The following OTOP1 variants were observed in gnomAD, a reference collection of about 807,000 sequenced individuals.
OTOP1 encodes otopetrin 1.
In OTOP1, 59 loss-of-function variants were observed where a neutral mutation model predicts 52.9. The ratio of observed to expected loss-of-function variants is 1.12; its 90% CI spans 0.91 to 1.39. OTOP1 has a LOEUF of 1.39. Among genes scored for constraint, OTOP1 ranks in the 40% most tolerant of loss-of-function variants. OTOP1 has a pLI of 0.00. For missense variants in OTOP1, 761 were observed against 800.9 expected (o/e 0.95, Z 0.60); for synonymous variants, 317 against 337.7 (o/e 0.94, Z 0.67).
intron 1 of OTOP1, 43 bp downstream of exon 1, chr4:4,226,419 G>T (rs1188714033): frequency 1.3e-5 from 18 of 1,382,100 alleles, no homozygotes; most frequent in South Asian, 1.6e-5. Context: ...TGCAGCCAGC[G>T]GGCGAGGAGG....
At chr4:4,204,528 C>T (rs540077266) in intron 3 of OTOP1, among the ~76,000 whole-genome samples, 48 of 152,216 alleles carry the variant, frequency 3.2e-4, no homozygotes, top group African/African-American at 1.1e-3. Flanking sequence ...TGTTCTGCCA[C>T]GCAAGCTCCC....
chr4:4,207,617 A>G (rs1247835611), intron 2 of OTOP1, among the ~76,000 whole-genome samples: 1 of 151,130 alleles, frequency 6.6e-6, no homozygotes, highest in Non-Finnish European at 1.5e-5. Context: ...ATATATATCC[A>G]AAAGAAGTGA....
intron 1 of OTOP1, among the ~76,000 whole-genome samples, chr4:4,225,741 G>T (rs1195426879): frequency 6.6e-6 from 1 of 152,084 alleles, no homozygotes; most frequent in African/African-American, 2.4e-5. Flanking sequence ...CCCACTTCGT[G>T]CCAGGCCCTG....
At chr4:4,223,742 A>T (rs185721337) in intron 1 of OTOP1, among the ~76,000 whole-genome samples, 2 of 152,096 alleles carry the variant, frequency 1.3e-5, no homozygotes, top group South Asian at 2.1e-4. Context: ...TCTACTAAAA[A>T]ATACAAAAAT....
intron 4 of OTOP1, among the ~76,000 whole-genome samples, chr4:4,199,797 T>C (rs1442093073): frequency 6.6e-6 from 1 of 152,234 alleles, no homozygotes; most frequent in African/African-American, 2.4e-5. Context: ...TATTTTTTAA[T>C]GCAAGTCACG....
At chr4:4,225,913 A>T (rs1051372651) in intron 1 of OTOP1, among the ~76,000 whole-genome samples, 1 of 151,980 alleles carries the variant, frequency 6.6e-6, no homozygotes, top group African/African-American at 2.4e-5. Flanking sequence ...TCGCGGGGAG[A>T]ATGGGGTGAG....
intron 1 of OTOP1, among the ~76,000 whole-genome samples, chr4:4,216,086 A>T (rs1173103645): frequency 2.0e-5 from 3 of 152,164 alleles, no homozygotes; most frequent in Non-Finnish European, 4.4e-5. Context: ...GGCATGAGTC[A>T]CTGAGCCCGG....
In OTOP1 at chr4:4,188,735, C is replaced by A. The variant is rs1167208797; in HGVS notation, c.*68G>T. On this transcript the variant is annotated 3_prime_UTR_variant, in exon 6 of 6. Transcript: ENST00000296358. ...TATTTGTCAGGCAATATTTGCCCAA[C>A]CTGGCCACTCCTAGTTGGCTCCAAT... is the stretch of plus-strand genomic sequence containing the variant. 2.1e-6 allele frequency: 3 copies of A among 1,419,306 alleles called. No homozygotes were observed. In the African/African-American group the frequency reaches 4.4e-5, roughly 21 times the overall value. 87.9% of individuals were successfully genotyped at this position (1,419,306 alleles called of 1,614,324 possible).
intron 5 of OTOP1, among the ~76,000 whole-genome samples, chr4:4,195,576 C>T (rs1322691264): frequency 6.6e-6 from 1 of 152,232 alleles, no homozygotes; most frequent in Non-Finnish European, 1.5e-5. Flanking sequence ...ACAAGCACCA[C>T]ACCACCCAAG....
intron 4 of OTOP1, among the ~76,000 whole-genome samples, chr4:4,200,428 A>G (rs1716756710): frequency 1.3e-5 from 2 of 150,534 alleles, no homozygotes; most frequent in East Asian, 1.9e-4. Context: ...GTGATCCGAG[A>G]CCATGCCACT....
chr4:4,217,783 C>A (rs570554384), intron 1 of OTOP1, among the ~76,000 whole-genome samples: 1 of 152,226 alleles, frequency 6.6e-6, no homozygotes, highest in African/African-American at 2.4e-5. Context: ...AAACTGTCAT[C>A]CACATAACTT....
rs115686324 is a variant in OTOP1, at chr4:4,203,403, A to G, written c.600-825T>C. Among the ~76,000 whole-genome samples, 341 of 152,336 alleles carry G rather than the reference A, an allele frequency of 2.2e-3. 1 individual carries two copies. The highest frequency in any genetic ancestry group is 7.9e-3 in the African/African-American group (327 of 41,578). On this transcript the variant is annotated intron_variant, in intron 3 of 5. Coordinates refer to ENST00000296358, the MANE Select transcript of OTOP1 (RefSeq NM_177998.3). ...GGAGATCCAGATAGACTCAAGAATG[A>G]GCCCATGGTCATATATGGAGTAAGC... is the stretch of plus-strand genomic sequence containing the variant.
Position 4,188,739 on chromosome 4 carries a change from G to A in OTOP1, c.*64C>T. On this transcript the variant is annotated 3_prime_UTR_variant, in exon 6 of 6. Coordinates refer to ENST00000296358, the MANE Select transcript of OTOP1 (RefSeq NM_177998.3). ...TGTCAGGCAATATTTGCCCAACCTG[G>A]CCACTCCTAGTTGGCTCCAATGAAC... 1 of 1,427,028 alleles carries A rather than the reference G, an allele frequency of 7.0e-7. No individual in the cohort carries two copies. Among genetic ancestry groups the A allele is most frequent in the Non-Finnish European group, 9.3e-7 (1 of 1,072,056 alleles). 88.4% of individuals were successfully genotyped at this position (1,427,028 alleles called of 1,614,324 possible).
chr4:4,201,893 A>C (rs112542554), intron 4 of OTOP1, among the ~76,000 whole-genome samples: 8,542 of 152,248 alleles, frequency 0.056, 807 homozygotes, highest in African/African-American at 0.19. Flanking sequence ...TGTAAATGCT[A>C]AAGGATTTTA....
At chr4:4,214,855 A>G (rs1441777013) in intron 1 of OTOP1, among the ~76,000 whole-genome samples, 1 of 152,222 alleles carries the variant, frequency 6.6e-6, no homozygotes, top group Non-Finnish European at 1.5e-5. Flanking sequence ...GCAAGACGAA[A>G]AAGTTCTGGA....
intron 5 of OTOP1, among the ~76,000 whole-genome samples, chr4:4,191,650 T>C (rs2916409): frequency 0.24 from 35,753 of 152,128 alleles, 4,569 homozygotes; most frequent in Non-Finnish European, 0.27. Flanking sequence ...CGAGGCCTTC[T>C]CACTAAGCTG....
intron 3 of OTOP1, among the ~76,000 whole-genome samples, chr4:4,205,368 T>C (rs996648425): frequency 2.0e-5 from 3 of 152,214 alleles, no homozygotes; most frequent in African/African-American, 7.2e-5. Flanking sequence ...TGCCTCTCCC[T>C]GCGCCTGCCT....
At chr4:4,226,128 C>T (rs1717427596) in intron 1 of OTOP1, among the ~76,000 whole-genome samples, 2 of 152,144 alleles carry the variant, frequency 1.3e-5, no homozygotes, top group African/African-American at 2.4e-5. Flanking sequence ...CTAGAAGGCT[C>T]TGAGTGTCAG....
rs547578872 is a variant in OTOP1 at position 4,220,868 on chromosome 4, A to G, written c.403+5594T>C. On this transcript the variant is annotated intron_variant, in intron 1 of 5. Coordinates refer to ENST00000296358, the MANE Select transcript of OTOP1 (RefSeq NM_177998.3). Reference sequence around the variant, plus strand: ...TTGAACCCCCCTCTTAGAGGTGGAAAGTCCCACAGAATTAGTCTACATTCT... The same window carrying G: ...TTGAACCCCCCTCTTAGAGGTGGAAGGTCCCACAGAATTAGTCTACATTCT... 1.1e-3 allele frequency among the ~76,000 whole-genome samples: 162 copies of G among 152,196 alleles called. 1 individual carries two copies. The highest frequency in any genetic ancestry group is 3.7e-3 in the African/African-American group (153 of 41,530).
Sources: allele counts gnomAD v4.1 joint callset (sites outside exome capture counted in the v4.1 genomes callset), GRCh38; gene constraint gnomAD v4.1.1; transcripts MANE v1.5; gene names NCBI Gene and HGNC (gene_info 2026-07-23, HGNC 2026-07-21).